WDR26: variants seen among roughly 807,000 people sequenced by gnomAD.
WDR26 encodes WD repeat-containing protein 26.
Under a neutral mutation model 84.1 loss-of-function variants are expected in WDR26, and 5 were observed. The observed-to-expected ratio is 0.06, with a 90% CI of 0.03 to 0.13. The LOEUF is 0.13. Among genes scored for constraint, WDR26 ranks in the 10% least tolerant of loss-of-function variants. WDR26 has a pLI of 1.00. For missense variants in WDR26, 642 were observed against 974.9 expected, an observed-to-expected ratio of 0.66 and a Z score of 4.55; for synonymous variants, 415 against 389.6, an observed-to-expected ratio of 1.07 and a Z score of -0.77.
intron 6 of WDR26, among the ~76,000 whole-genome samples, chr1:224,412,080 G>A (rs1673756156): frequency 6.6e-6 from 1 of 152,126 alleles, no homozygotes; most frequent in Non-Finnish European, 1.5e-5. Context: ...AAGCTTTAAT[G>A]TCTTTGGCAA....
chr1:224,407,898 A>C (rs572678800), intron 7 of WDR26, among the ~76,000 whole-genome samples: 8 of 152,342 alleles, frequency 5.3e-5, no homozygotes, highest in Admixed American at 5.2e-4. Flanking sequence ...ACAGTCCCAG[A>C]GGACTCACTA....
intron 1 of WDR26, among the ~76,000 whole-genome samples, chr1:224,432,006 G>C (rs1674405917): frequency 1.3e-5 from 2 of 152,160 alleles, no homozygotes. Flanking sequence ...ATCAATGTAA[G>C]TTCTTCCTAG....
intron 8 of WDR26, chr1:224,401,880 C>T (rs1211607283): frequency 6.6e-6 from 1 of 151,880 alleles, no homozygotes; most frequent in Non-Finnish European, 1.5e-5. Context: ...GAAAGAGGAA[C>T]CTGTGTACTG....
rs1172410869 is a variant in WDR26 at position 224,387,762 on chromosome 1, C to A, written c.*2073G>T. ...CATAGAGACTGGGGTGTATTAACGG[C>A]TTCAGGGTATACATGAATCACTTAA... On this transcript the variant is annotated 3_prime_UTR_variant, in exon 14 of 14. Coordinates refer to ENST00000414423, the MANE Select transcript of WDR26 (RefSeq NM_001379403.1). The A allele has an allele frequency of 2.0e-5, 3 of 152,554 alleles. No individual in the cohort carries two copies. The allele number at this position is 152,554 out of a possible 1,614,324, so 9.5% of individuals were successfully genotyped here. A position where few individuals can be genotyped will look rare whatever the true frequency, so the allele number is the denominator to read the frequency against.
At chr1:224,391,389 A>G (rs1356385744) in intron 13 of WDR26, among the ~76,000 whole-genome samples, 1 of 151,780 alleles carries the variant, frequency 6.6e-6, no homozygotes, top group Non-Finnish European at 1.5e-5. Flanking sequence ...AAAAACAAAA[A>G]AAAAACCTTA....
At chr1:224,428,271 T>C (rs1674286671) in intron 3 of WDR26, among the ~76,000 whole-genome samples, 1 of 152,188 alleles carries the variant, frequency 6.6e-6, no homozygotes, top group Non-Finnish European at 1.5e-5. Context: ...GAAATTACGA[T>C]ACTTAGAAAG....
In WDR26 at chr1:224,434,617, C is replaced by A; in HGVS notation, c.-212G>T. On this transcript the variant is annotated 5_prime_UTR_variant, in exon 1 of 14. Transcript: ENST00000414423. ...AGCTCGGGGTGCGCGGCCCGGGGGT[C>A]GCGCCGGGGGGCGCCGCGGGGCGGC... The A allele has an allele frequency of 3.6e-6, 2 of 551,918 alleles. No homozygotes were observed. Among genetic ancestry groups the A allele is most frequent in the South Asian group, 1.6e-4 (2 of 12,840 alleles). The allele number at this position is 551,918 out of a possible 1,614,324, so 34.2% of individuals were successfully genotyped here. A position where few individuals can be genotyped will look rare whatever the true frequency, so the allele number is the denominator to read the frequency against.
chr1:224,433,614 C>T, intron 1 of WDR26, 70 bp downstream of exon 1: 5 of 998,424 alleles, frequency 5.0e-6, no homozygotes, highest in Non-Finnish European at 6.6e-6. Context: ...CCCTCCGCCC[C>T]TTCCCCTACC....
At chr1:224,413,375 T>C in intron 6 of WDR26, 2 of 1,131,992 alleles carry the variant, frequency 1.8e-6, no homozygotes, top group South Asian at 1.4e-5. Context: ...TTAACATTCT[T>C]TATTTGGTAC....
intron 5 of WDR26, among the ~76,000 whole-genome samples, chr1:224,419,118 A>G (rs1311135601): frequency 1.3e-5 from 2 of 152,246 alleles, no homozygotes; most frequent in Admixed American, 1.3e-4. Context: ...AATCTAGAAT[A>G]AACATAACAT....
At chr1:224,431,329 TA>T in intron 3 of WDR26, 147 bp downstream of exon 3, 1 of 642,790 alleles carries the variant, frequency 1.6e-6, no homozygotes, top group Non-Finnish European at 2.7e-6. Context: ...ACTCATACTT[TA>T]AAACATTATA....
intron 6 of WDR26, among the ~76,000 whole-genome samples, chr1:224,415,708 G>A (rs1215024356): frequency 6.6e-6 from 1 of 151,972 alleles, no homozygotes; most frequent in Non-Finnish European, 1.5e-5. Context: ...TGATCCACTC[G>A]CCTCGGCCCC....
chr1:224,416,218 T>G (rs557595760), intron 6 of WDR26, among the ~76,000 whole-genome samples: 2 of 151,994 alleles, frequency 1.3e-5, no homozygotes, highest in East Asian at 3.9e-4. Flanking sequence ...AACTCTGAAC[T>G]GCTTTTTTCT....
At chr1:224,401,362 A>G (rs1446687725) in intron 8 of WDR26, among the ~76,000 whole-genome samples, 2 of 152,148 alleles carry the variant, frequency 1.3e-5, no homozygotes, top group African/African-American at 4.8e-5. Flanking sequence ...ATAAACTAAA[A>G]CATGTAATTT....
In WDR26 at chr1:224,386,863, T is replaced by A. The variant is rs1673002260; in HGVS notation, c.*2972A>T. On this transcript the variant is annotated 3_prime_UTR_variant, in exon 14 of 14. Coordinates refer to ENST00000414423, the MANE Select transcript of WDR26 (RefSeq NM_001379403.1). ...ACAGAAATGTAGCTGTTATGAAGAC[T>A]AAAAAAATACAAAAACCAAAGCTGA... 1.3e-5 allele frequency: 2 copies of A among 152,144 alleles called. No individual in the cohort carries two copies. Among genetic ancestry groups the A allele is most frequent in the South Asian group, 4.1e-4 (2 of 4,826 alleles). The allele number at this position is 152,144 out of a possible 1,614,324, so 9.4% of individuals were successfully genotyped here.
intron 3 of WDR26, 165 bp from the exon 4 acceptor site, chr1:224,424,819 T>G (rs1306445734): frequency 3.8e-5 from 29 of 770,248 alleles, no homozygotes; most frequent in Non-Finnish European, 6.0e-5. Flanking sequence ...AGAGCCACAG[T>G]AGATTAAATG....
At chr1:224,418,926 T>C (rs1399043469) in intron 5 of WDR26, among the ~76,000 whole-genome samples, 2 of 152,218 alleles carry the variant, frequency 1.3e-5, no homozygotes, top group African/African-American at 4.8e-5. Context: ...AGGGAGTAAC[T>C]GGTGTTTTGA....
chr1:224,399,043 G>A lies in WDR26; in HGVS notation c.1720-9C>T. 2 of 1,511,142 alleles carry A rather than the reference G, an allele frequency of 1.3e-6. No homozygotes were observed. Among genetic ancestry groups the A allele is most frequent in the Non-Finnish European group, 1.8e-6 (2 of 1,137,012 alleles). 93.6% of individuals were successfully genotyped at this position (1,511,142 alleles called of 1,614,324 possible). On this transcript the variant is annotated splice_polypyrimidine_tract_variant and intron_variant, in intron 9 of 13. Coordinates refer to ENST00000414423, the MANE Select transcript of WDR26 (RefSeq NM_001379403.1). ...AGATTACCATCTAAGTCCTGAGTAA[G>A]AAAAAACTACTATTAACTTCATTAC...
chr1:224,403,409 G>A (rs1458924575), intron 8 of WDR26, among the ~76,000 whole-genome samples: 1 of 152,110 alleles, frequency 6.6e-6, no homozygotes, highest in East Asian at 1.9e-4. Flanking sequence ...GTTAACAATT[G>A]TTGAATTTAC....
Sources: allele counts gnomAD v4.1 joint callset (sites outside exome capture counted in the v4.1 genomes callset), GRCh38; gene constraint gnomAD v4.1.1; transcripts MANE v1.5; gene names NCBI Gene and HGNC (gene_info 2026-07-23, HGNC 2026-07-21).